PLEKHG4B: variants seen among roughly 807,000 people sequenced by gnomAD.
The protein encoded by PLEKHG4B is pleckstrin homology domain-containing family G member 4B.
PLEKHG4B carries 111 observed loss-of-function variants against 121.3 expected under a neutral mutation model. The observed-to-expected ratio is 0.92, with a 90% CI of 0.78 to 1.07. The LOEUF is 1.07. PLEKHG4B is among the 50% of genes least tolerant of loss of function. The pLI, the probability that PLEKHG4B is intolerant of heterozygous loss-of-function variation, is 0.00. For missense variants in PLEKHG4B, 1,831 were observed against 1,757.8 expected (o/e 1.04, Z -0.74); for synonymous variants, 738 against 725.0 (o/e 1.02, Z -0.29).
At chr5:147,903 A>G (rs1735471003) in intron 6 of PLEKHG4B, among the ~76,000 whole-genome samples, 2 of 152,162 alleles carry the variant, frequency 1.3e-5, no homozygotes, top group Middle Eastern at 3.2e-3. Context: ...GACCAAGTAC[A>G]GTTTGTTCCT....
At position 182,031 on chromosome 5, in the gene PLEKHG4B, T is replaced by C; in HGVS notation, c.4592T>C (p.Val1531Ala). 12 of 1,614,034 alleles carry C rather than the reference T, an allele frequency of 7.4e-6. No individual in the cohort carries two copies. Among genetic ancestry groups the C allele is most frequent in the Non-Finnish European group, 1.0e-5 (12 of 1,179,938 alleles). Residue 1531 changes from valine (V) to alanine (A), a missense_variant, in exon 20 of 20, where the codon GTG (valine) becomes GCG (alanine). Val to Ala is a moderately conservative substitution (Grantham distance 64, BLOSUM62 0). Coordinates refer to ENST00000637938, the MANE Select transcript of PLEKHG4B (RefSeq NM_052909.5). ...TCACAAATGAGAGGGTCCACAGCGG[T>C]GTCCTCCTCTGACCACGCCGCCCCC... is the stretch of plus-strand genomic sequence containing the variant. ...TESQMRGSTAVSSSDHAAPFK... is the reference protein window; with the variant it reads ...TESQMRGSTAASSSDHAAPFK...
chr5:174,322 G>T, intron 18 of PLEKHG4B, among the ~76,000 whole-genome samples: 1 of 135,610 alleles, frequency 7.4e-6, no homozygotes, highest in Non-Finnish European at 1.6e-5. Flanking sequence ...CAGGGGCCAG[G>T]GGGCCAGCAG....
Position 109,392 on chromosome 5 carries a change from G to A in PLEKHG4B, c.46-3859G>A, listed in dbSNP as rs1477555793. Among the ~76,000 whole-genome samples, 8 of 111,240 alleles carry A rather than the reference G, an allele frequency of 7.2e-5. 1 individual carries two copies. The South Asian group carries it at 1.6e-3, about 22-fold the overall frequency. The allele number at this position is 111,240 out of a possible 152,430, so 73.0% of individuals were successfully genotyped here. A position where few individuals can be genotyped will look rare whatever the true frequency, so the allele number is the denominator to read the frequency against. On this transcript the variant is annotated intron_variant, in intron 1 of 19. Transcript: ENST00000637938. ...AGCCTGGGTGACAGGGCAAGACTCT[G>A]TCTCCAAAAAAAAAAAAAAAAAAAA... is the stretch of plus-strand genomic sequence containing the variant.
chr5:111,298 GCT>G (rs1734149966), intron 1 of PLEKHG4B, among the ~76,000 whole-genome samples: 1 of 152,254 alleles, frequency 6.6e-6, no homozygotes, highest in Non-Finnish European at 1.5e-5. Context: ...CCCTGGGGCA[GCT>G]CTGGCCTGGC....
At position 137,222 on chromosome 5, in the gene PLEKHG4B, A is replaced by G. The variant is rs1207477196; in HGVS notation, c.244-2261A>G. Among the ~76,000 whole-genome samples, 1 of 152,188 alleles carries G rather than the reference A, an allele frequency of 6.6e-6. No individual in the cohort carries two copies. The highest frequency in any genetic ancestry group is 1.5e-5 in the Non-Finnish European group (1 of 68,036). On this transcript the variant is annotated intron_variant, in intron 2 of 19. Coordinates refer to ENST00000637938, the MANE Select transcript of PLEKHG4B (RefSeq NM_052909.5). This position sits in a 1 kb window ranked among gnomAD's most constrained non-coding sequence, Gnocchi z 4.2. ...ATGAAGTAGTCAAACTCGTCAAGAC[A>G]GGAAGTGGAATGGTGGGTGCCAGGG...
At chr5:154,817 T>C in intron 7 of PLEKHG4B, 58 bp from the exon 8 acceptor site, 1 of 1,306,870 alleles carries the variant, frequency 7.7e-7, no homozygotes, top group Non-Finnish European at 1.1e-6. Flanking sequence ...CCATTTACAG[T>C]GTTTGCCCCC....
chr5:103,656 G>A (rs1733888607), intron 1 of PLEKHG4B, among the ~76,000 whole-genome samples: 1 of 152,186 alleles, frequency 6.6e-6, no homozygotes, highest in Non-Finnish European at 1.5e-5. Flanking sequence ...TATACAAAGT[G>A]CTGTGATCAG....
chr5:129,361 G>C (rs1473818101), intron 2 of PLEKHG4B, among the ~76,000 whole-genome samples: 1 of 152,194 alleles, frequency 6.6e-6, no homozygotes, highest in Non-Finnish European at 1.5e-5. Context: ...TCTTTAGGCA[G>C]AGCTTACCTC....
chr5:152,859 C>T (rs2126420650), intron 7 of PLEKHG4B, among the ~76,000 whole-genome samples: 1 of 152,308 alleles, frequency 6.6e-6, no homozygotes, highest in Admixed American at 6.5e-5. Context: ...CTCATGAGAG[C>T]TGATGGTTTT....
intron 1 of PLEKHG4B, among the ~76,000 whole-genome samples, chr5:92,525 C>CA (rs1468527534): frequency 6.0e-4 from 5 of 8,298 alleles, no homozygotes; most frequent in African/African-American, 2.7e-3. Context: ...TCAAGGCGGG[C>CA]GGGCGCGGGG....
chr5:163,091 C>T lies in PLEKHG4B; in HGVS notation c.3019C>T (p.Gln1007Ter), dbSNP rs1192900126. ...TGGGGGTGGTGCCTGGGAACCTGCG[C>T]AACCACTGTCCGGCCTCCCTGGACG... is the stretch of plus-strand genomic sequence containing the variant. ...DSGGGAWEPA[Q>*]PLSGLPGRAL... Residue 1007 changes from glutamine (Q) to a stop codon, truncating the protein, a stop_gained, in exon 13 of 20, where the codon CAA becomes TAA. Coordinates refer to ENST00000637938, the MANE Select transcript of PLEKHG4B (RefSeq NM_052909.5). LOFTEE classifies it high-confidence loss of function. 1 of 1,563,450 alleles carries T rather than the reference C, an allele frequency of 6.4e-7. No individual in the cohort carries two copies. The highest frequency in any genetic ancestry group is 1.2e-5 in the South Asian group (1 of 85,292).
intron 2 of PLEKHG4B, among the ~76,000 whole-genome samples, chr5:136,910 T>C (rs1449512358): frequency 6.6e-6 from 1 of 152,176 alleles, no homozygotes. Context: ...TGTATACCCG[T>C]GTTGATAGCA....
chr5:171,615 G>A lies in PLEKHG4B; in HGVS notation c.4050+171G>A, dbSNP rs557544020. Among the ~76,000 whole-genome samples the A allele has an allele frequency of 2.0e-5, 3 of 152,312 alleles. No individual in the cohort carries two copies. In the East Asian group the frequency reaches 5.8e-4, roughly 29 times the overall value. ...AAGGCCGCAGCGGGGGCCACCTGGA[G>A]GAGGGTCTTACCTGTCTGGGCAATG... is the stretch of plus-strand genomic sequence containing the variant. On this transcript the variant is annotated intron_variant, in intron 16 of 19. Coordinates refer to ENST00000637938, the MANE Select transcript of PLEKHG4B (RefSeq NM_052909.5).
At chr5:101,837 A>G (rs1733826140) in intron 1 of PLEKHG4B, among the ~76,000 whole-genome samples, 1 of 105,344 alleles carries the variant, frequency 9.5e-6, no homozygotes, top group Admixed American at 8.4e-5. Context: ...TCTATAGGGG[A>G]GAGACTGTTG....
At chr5:155,166 G>C (rs917014902) in intron 8 of PLEKHG4B, among the ~76,000 whole-genome samples, 175 bp downstream of exon 8, 21 of 152,152 alleles carry the variant, frequency 1.4e-4, no homozygotes, top group Non-Finnish European at 2.8e-4. Context: ...TGAGAATGCC[G>C]AGCCCGGGTG....
chr5:122,208 G>A (rs372893656), intron 2 of PLEKHG4B, among the ~76,000 whole-genome samples: 1 of 151,960 alleles, frequency 6.6e-6, no homozygotes, highest in Non-Finnish European at 1.5e-5. Context: ...AAAAATAGAG[G>A]ATGAAAGGAA....
At chr5:121,187 C>T (rs1734457485) in intron 2 of PLEKHG4B, among the ~76,000 whole-genome samples, 1 of 151,416 alleles carries the variant, frequency 6.6e-6, no homozygotes, top group Non-Finnish European at 1.5e-5. Context: ...GTGGAGCTTG[C>T]AGTGAGCCGA....
chr5:146,116 G>A (rs560407051), intron 6 of PLEKHG4B, among the ~76,000 whole-genome samples: 135 of 141,754 alleles, frequency 9.5e-4, no homozygotes, highest in Non-Finnish European at 1.8e-3. Context: ...CCTACTTGCA[G>A]TCCTCCCTCC....
rs1208962986 is a variant in PLEKHG4B, at chr5:137,020, G to A, written c.244-2463G>A. 6.6e-6 allele frequency among the ~76,000 whole-genome samples: 1 copy of A among 152,186 alleles called. No individual in the cohort carries two copies. The highest frequency in any genetic ancestry group is 1.5e-5 in the Non-Finnish European group (1 of 68,038). ...ACATAATGGAATATTATGCAACCCTGTGGATGGATGAATGGATAGCAAAAT... is the reference window on the plus strand; with the variant it reads ...ACATAATGGAATATTATGCAACCCTATGGATGGATGAATGGATAGCAAAAT... On this transcript the variant is annotated intron_variant, in intron 2 of 19. Coordinates refer to ENST00000637938, the MANE Select transcript of PLEKHG4B (RefSeq NM_052909.5). This position sits in a 1 kb window ranked among gnomAD's most constrained non-coding sequence, Gnocchi z 4.2.
Sources: gnomAD v4.1 joint callset for allele counts (sites outside exome capture counted in the v4.1 genomes callset) on GRCh38, gnomAD v4.1.1 for gene constraint, Gnocchi (gnomAD v3.1) non-coding constraint, MANE v1.5 for transcripts, NCBI Gene and HGNC (gene_info 2026-07-23, HGNC 2026-07-21) for gene names.